ABCC10: variants seen among roughly 807,000 people sequenced by gnomAD.
The protein encoded by ABCC10 is ATP-binding cassette sub-family C member 10.
ABCC10 carries 110 observed loss-of-function variants against 143.2 expected under a neutral mutation model. The observed-to-expected ratio is 0.77, with a 90% CI of 0.66 to 0.90. The LOEUF is 0.90. Ranked by LOEUF, ABCC10 falls within the 40% of genes least tolerant of loss-of-function variation. ABCC10 has a pLI of 0.00. For missense variants in ABCC10, 1,700 were observed against 1,900.5 expected (o/e 0.89, Z 1.96); for synonymous variants, 805 against 846.7 (o/e 0.95, Z 0.85).
intron 7 of ABCC10, chr6:43,438,353 TGTG>T: frequency 2.1e-6 from 3 of 1,416,066 alleles, no homozygotes; most frequent in East Asian, 5.1e-5. Context: ...ACAAGTACAA[TGTG>T]GTGGCCATAC....
At chr6:43,438,327 T>C in intron 7 of ABCC10, 1 of 1,408,736 alleles carries the variant, frequency 7.1e-7, no homozygotes, top group South Asian at 1.6e-5. Flanking sequence ...AGGGAGGACC[T>C]TGTTTTCAGA....
chr6:43,443,270 C>T lies in ABCC10; in HGVS notation c.2416+111C>T. 8.8e-7 allele frequency: 1 copy of T among 1,131,536 alleles called. No individual in the cohort carries two copies. The highest frequency in any genetic ancestry group is 1.2e-6 in the Non-Finnish European group (1 of 833,304). 70.1% of individuals were successfully genotyped at this position (1,131,536 alleles called of 1,614,324 possible). ...CATGTGTGCCCTGAGCCAGTCATTGCTGCCTCCCGCCTTCACAGAACTGGT... is the reference window on the plus strand; with the variant it reads ...CATGTGTGCCCTGAGCCAGTCATTGTTGCCTCCCGCCTTCACAGAACTGGT... On this transcript the variant is annotated intron_variant, in intron 10 of 21. Transcript: ENST00000372530. The surrounding 1 kb of genome is among the most constrained non-coding windows in gnomAD (Gnocchi z 4.2).
At position 43,433,085 on chromosome 6, in the gene ABCC10, C is replaced by G. The variant is rs181909053; in HGVS notation, c.1105C>G (p.Gln369Glu). 3.1e-6 allele frequency: 5 copies of G among 1,614,160 alleles called. No individual in the cohort carries two copies. The East Asian group carries it at 1.1e-4, about 36-fold the overall frequency. ...VLNILYCKAL[Q>E]LGPSRPPTGE... ...GAACATCCTGTACTGCAAGGCTTTA[C>G]AGCTGGGGCCCAGCCGCCCTCCTAC... Residue 369 changes from glutamine to glutamate, a missense_variant, in exon 3 of 22, where the codon CAG becomes GAG. By Grantham distance (29) the Gln-to-Glu change is conservative. Coordinates refer to ENST00000372530, the MANE Select transcript of ABCC10 (RefSeq NM_001198934.2).
chr6:43,442,432 A>G (rs1194281557), intron 9 of ABCC10, among the ~76,000 whole-genome samples: 1 of 152,216 alleles, frequency 6.6e-6, no homozygotes, highest in Non-Finnish European at 1.5e-5. Flanking sequence ...TTAGCTGGGC[A>G]TAGTGGCACA....
At chr6:43,446,680 C>T in intron 16 of ABCC10, 1 of 985,294 alleles carries the variant, frequency 1.0e-6, no homozygotes, top group Non-Finnish European at 1.2e-6. Flanking sequence ...AGCTGCTGGT[C>T]TCAGTCCCTT....
chr6:43,438,718 A>T lies in ABCC10; in HGVS notation c.2050A>T (p.Ile684Phe). The change falls in exon 8 of 22, where the codon ATC (isoleucine) becomes TTC (phenylalanine). Residue 684 changes from isoleucine to phenylalanine, a missense_variant. By Grantham distance (21) the Ile-to-Phe change is conservative. Transcript: ENST00000372530. ...CCAGTTTGCCACCATCCGAGACAAC[A>T]TCCTCTTTGGGAAGACATTTGATGC... ...WIQFATIRDN[I>F]LFGKTFDAQL... The T allele has an allele frequency of 6.2e-7, 1 of 1,614,240 alleles. No individual in the cohort carries two copies. Among genetic ancestry groups the T allele is most frequent in the Non-Finnish European group, 8.5e-7 (1 of 1,180,040 alleles).
At chr6:43,450,988 C>T (rs141986494), downstream of ABCC10, 14 of 1,613,984 alleles carry the variant, frequency 8.7e-6, no homozygotes, top group African/African-American at 9.3e-5. This position sits in a 1 kb window ranked among gnomAD's most constrained non-coding sequence, Gnocchi z 4.5. Context: ...CAGAGGCAGT[C>T]GAAGTCGTGG....
downstream of ABCC10, chr6:43,451,859 C>G (rs953070354): frequency 3.9e-6 from 6 of 1,555,148 alleles, no homozygotes; most frequent in South Asian, 1.2e-5. The surrounding 1 kb of genome is among the most constrained non-coding windows in gnomAD (Gnocchi z 4.4). Context: ...CCCCCACCCT[C>G]CCAACAGTCC....
chr6:43,450,505 G>A (rs756914706), downstream of ABCC10: 14 of 1,524,700 alleles, frequency 9.2e-6, no homozygotes, highest in African/African-American at 1.4e-5. The surrounding 1 kb of genome is among the most constrained non-coding windows in gnomAD (Gnocchi z 4.5). Flanking sequence ...GGGTGGAAGA[G>A]GTGAGGAAGG....
intron 4 of ABCC10, 46 bp from the exon 5 acceptor site, chr6:43,435,705 C>T: frequency 1.9e-6 from 3 of 1,598,844 alleles, no homozygotes; most frequent in Non-Finnish European, 2.6e-6. Flanking sequence ...TAGAAACAGG[C>T]CCTTAGATAA....
chr6:43,451,920 C>A, downstream of ABCC10: 2 of 1,613,372 alleles, frequency 1.2e-6, no homozygotes, highest in Non-Finnish European at 1.7e-6. The surrounding 1 kb of genome is among the most constrained non-coding windows in gnomAD (Gnocchi z 4.4). Flanking sequence ...TTCCACTCAC[C>A]CTGAGGGCCC....
chr6:43,443,112 G>A lies in ABCC10; in HGVS notation c.2369G>A (p.Arg790Lys). ...LCTHRTEYLERADAVLLMEAG... is the reference protein window; with the variant it reads ...LCTHRTEYLEKADAVLLMEAG... ...ACCCACCGCACTGAGTACCTGGAGA[G>A]GGCTGACGCGGTGCTGCTGATGGAG... Residue 790 changes from arginine (R) to lysine (K), a missense_variant, in exon 10 of 22, where the codon AGG becomes AAG. Transcript: ENST00000372530. The surrounding 1 kb of genome is among the most constrained non-coding windows in gnomAD (Gnocchi z 4.2). The A allele has an allele frequency of 6.2e-7, 1 of 1,610,454 alleles. No homozygotes were observed.
downstream of ABCC10, chr6:43,451,772 TGAG>T (rs1288568709): frequency 1.7e-5 from 16 of 961,336 alleles, no homozygotes; most frequent in Non-Finnish European, 2.0e-5. The surrounding 1 kb of genome is among the most constrained non-coding windows in gnomAD (Gnocchi z 4.4). Context: ...AAAAAAAAGT[TGAG>T]AAACCCTGAA....
At position 43,438,753 on chromosome 6, in the gene ABCC10, C is replaced by A. The variant is rs752098857; in HGVS notation, c.2085C>A (p.Tyr695Ter). The change falls in exon 8 of 22, where the codon TAC (tyrosine) becomes TAA (stop). Residue 695 changes from tyrosine to a stop codon, truncating the protein, a stop_gained. Transcript: ENST00000372530. LOFTEE classifies it high-confidence loss of function. ...GGAAGACATTTGATGCACAGCTGTA[C>A]AAGGAGGTGCTAGAAGCCTGCGCCC... ...LFGKTFDAQL[Y>*]KEVLEACALN... 1.2e-6 allele frequency: 2 copies of A among 1,614,224 alleles called. No homozygotes were observed. Among genetic ancestry groups the A allele is most frequent in the East Asian group, 2.2e-5 (1 of 44,888 alleles).
chr6:43,434,321 G>A (rs1284179852), intron 3 of ABCC10, among the ~76,000 whole-genome samples: 2 of 152,226 alleles, frequency 1.3e-5, no homozygotes, highest in Admixed American at 6.5e-5. Flanking sequence ...TGGTGACCTG[G>A]CTCCACCTTC....
chr6:43,442,331 G>A lies in ABCC10; in HGVS notation c.2226+371G>A, dbSNP rs140706115. Among the ~76,000 whole-genome samples, 1,169 of 152,228 alleles carry A rather than the reference G, an allele frequency of 7.7e-3. 8 individuals are homozygous for A. Among genetic ancestry groups the A allele is most frequent in the Non-Finnish European group, 0.013 (886 of 68,006 alleles). ...TGGTGTAATCCTAGCACTTTGAGAG[G>A]CCGAGGAGGGTGGATCACTTGAGGT... On this transcript the variant is annotated intron_variant, in intron 9 of 21. Transcript: ENST00000372530.
At chr6:43,427,940 C>A in intron 1 of ABCC10, 28 bp from the exon 2 acceptor site, 1 of 1,610,954 alleles carries the variant, frequency 6.2e-7, no homozygotes, top group Non-Finnish European at 8.5e-7. Context: ...TTACCCTGCA[C>A]AGCCGTCACC....
At chr6:43,442,213 G>A (rs1782547520) in intron 9 of ABCC10, among the ~76,000 whole-genome samples, 1 of 152,188 alleles carries the variant, frequency 6.6e-6, no homozygotes, top group African/African-American at 2.4e-5. Flanking sequence ...GGGAGGCCAA[G>A]GCAGGAGGAT....
In ABCC10 at chr6:43,435,655, C is replaced by T. The variant is rs114119560; in HGVS notation, c.1609-96C>T. The T allele has an allele frequency of 5.6e-3, 8,001 of 1,418,322 alleles. 391 individuals carry two copies. The African/African-American group carries it at 0.1, about 18-fold the overall frequency. The allele number at this position is 1,418,322 out of a possible 1,614,324, so 87.9% of individuals were successfully genotyped here. ...GCCAGCCCTTCAGTTCTGTCATTGC[C>T]CAGTTCTTCCCTCCGTAGACCTGTC... On this transcript the variant is annotated intron_variant, in intron 4 of 21. Transcript: ENST00000372530.
Sources: gnomAD v4.1 joint callset for allele counts (sites outside exome capture counted in the v4.1 genomes callset) on GRCh38, gnomAD v4.1.1 for gene constraint, Gnocchi (gnomAD v3.1) non-coding constraint, MANE v1.5 for transcripts, NCBI Gene and HGNC (gene_info 2026-07-23, HGNC 2026-07-21) for gene names.